The following SPAG17 variants were observed in gnomAD, a reference collection of about 807,000 sequenced individuals.
The protein encoded by SPAG17 is sperm-associated antigen 17.
A neutral mutation model predicts 273.6 loss-of-function variants in SPAG17; 169 were observed. That is an observed-to-expected ratio of 0.62 (90% CI 0.55 to 0.70). The LOEUF is 0.70. SPAG17 is among the 30% of genes least tolerant of loss of function. The pLI is 0.00. For synonymous variants in SPAG17, 825 were observed against 873.2 expected (o/e 0.94, Z 0.97); for missense variants, 2,557 against 2,627.8 (o/e 0.97, Z 0.59).
At chr1:118,177,915 G>A (rs1660770111) in intron 1 of SPAG17, among the ~76,000 whole-genome samples, 1 of 152,058 alleles carries the variant, frequency 6.6e-6, no homozygotes, top group Admixed American at 6.6e-5. Flanking sequence ...TAAGATTGAA[G>A]CTGTAATAAA....
At chr1:117,983,299 C>A (rs61806141) in intron 42 of SPAG17, among the ~76,000 whole-genome samples, 53 of 152,292 alleles carry the variant, frequency 3.5e-4, no homozygotes, top group African/African-American at 1.3e-3. Context: ...CCAGGTACCT[C>A]CCACAATACA....
At chr1:117,988,271 A>G (rs1317536938) in intron 38 of SPAG17, 67 bp from the exon 39 acceptor site, 1 of 1,171,956 alleles carries the variant, frequency 8.5e-7, no homozygotes, top group African/African-American at 1.5e-5. Flanking sequence ...ATCAGTACAC[A>G]ATTACTCATT....
chr1:118,060,408 T>C (rs553091861), intron 18 of SPAG17, among the ~76,000 whole-genome samples: 215 of 152,110 alleles, frequency 1.4e-3, no homozygotes, highest in African/African-American at 4.8e-3. Context: ...AAGACTCCCA[T>C]GTAGCTGCAG....
intron 46 of SPAG17, among the ~76,000 whole-genome samples, chr1:117,969,213 A>G (rs1327196136): frequency 6.6e-6 from 1 of 152,214 alleles, no homozygotes; most frequent in South Asian, 2.1e-4. Context: ...AAATAAAGTC[A>G]GAACAGGTTG....
rs1655808259 is a variant in SPAG17 at position 118,097,757 on chromosome 1, A to C, written c.924T>G (p.Pro308=). 2.5e-6 allele frequency: 4 copies of C among 1,611,380 alleles called. No individual in the cohort carries two copies. In the Admixed American group the frequency reaches 6.7e-5, roughly 27 times the overall value. The change falls in exon 7 of 49, where the codon CCT becomes CCG. Residue 308 remains proline (P), a synonymous_variant. Coordinates refer to ENST00000336338, the MANE Select transcript of SPAG17 (RefSeq NM_206996.4). ...GAGCAACATCAAAGAGATTTGTTTCAGGTTTCTCATTATTCAGGACTGGTT... is the reference window on the plus strand; with the variant it reads ...GAGCAACATCAAAGAGATTTGTTTCCGGTTTCTCATTATTCAGGACTGGTT... ...YLEPVLNNEK[P]ETNLFDVARL...
intron 15 of SPAG17, among the ~76,000 whole-genome samples, chr1:118,075,000 T>C (rs1366476804): frequency 6.6e-6 from 1 of 152,230 alleles, no homozygotes. Flanking sequence ...TTTAAATTTC[T>C]GTGGATCTTA....
At chr1:118,023,664 T>C (rs1647376275) in intron 27 of SPAG17, among the ~76,000 whole-genome samples, 1 of 152,160 alleles carries the variant, frequency 6.6e-6, no homozygotes, top group African/African-American at 2.4e-5. Context: ...GTTACCACCA[T>C]AATAATATTA....
At chr1:118,151,164 A>G in intron 2 of SPAG17, 65 bp downstream of exon 2, 1 of 1,306,132 alleles carries the variant, frequency 7.7e-7, no homozygotes, top group East Asian at 2.8e-5. Flanking sequence ...TTATTTTATA[A>G]TTCTATTCTA....
chr1:117,990,839 A>T, intron 38 of SPAG17, 22 bp downstream of exon 38: 1 of 1,508,930 alleles, frequency 6.6e-7, no homozygotes, highest in East Asian at 2.3e-5. Flanking sequence ...TATACTGCAG[A>T]AGAATATTAA....
intron 25 of SPAG17, among the ~76,000 whole-genome samples, chr1:118,029,461 A>T (rs988676352): frequency 2.0e-5 from 3 of 152,134 alleles, no homozygotes; most frequent in Admixed American, 2.0e-4. Flanking sequence ...TATTCTTACA[A>T]TTTGGATGCT....
At chr1:118,054,450 C>T (rs1006824385) in intron 19 of SPAG17, among the ~76,000 whole-genome samples, 1 of 152,052 alleles carries the variant, frequency 6.6e-6, no homozygotes, top group Non-Finnish European at 1.5e-5. Context: ...ATATTGAAGC[C>T]CTTCTTTTGC....
In SPAG17 at chr1:117,983,829, T is replaced by C. The variant is rs777855440; in HGVS notation, c.5854A>G (p.Thr1952Ala). The C allele has an allele frequency of 1.6e-5, 26 of 1,610,446 alleles. No homozygotes were observed. Among genetic ancestry groups the C allele is most frequent in the Non-Finnish European group, 2.2e-5 (26 of 1,177,596 alleles). Residue 1952 changes from threonine (T) to alanine (A), a missense_variant, in exon 42 of 49, where the codon ACA (threonine) becomes GCA (alanine). Thr to Ala is a moderately conservative substitution (Grantham distance 58). Transcript: ENST00000336338. ...ATATTACCTAGATTAAGATCAGATG[T>C]ATCTTGAACAGCTGTTTCGTTTGCA... Reference protein sequence around the residue: ...EDANETAVQDTSDLNLDFKPH... With the variant: ...EDANETAVQDASDLNLDFKPH...
In SPAG17 at chr1:118,030,931, A is replaced by G. The variant is rs1648382821; in HGVS notation, c.3609+761T>C. On this transcript the variant is annotated intron_variant, in intron 25 of 48. Transcript: ENST00000336338. ...GTGCATGTGTCTTTATAGTAGAATG[A>G]TTTATAATCCTTTGGGTATATACTC... Among the ~76,000 whole-genome samples the G allele has an allele frequency of 2.0e-5, 3 of 152,172 alleles. No individual in the cohort carries two copies. In the South Asian group the frequency reaches 6.2e-4, roughly 31 times the overall value.
Position 118,174,251 on chromosome 1 carries a change from T to C in SPAG17, c.87+10820A>G, listed in dbSNP as rs140319511. Among the ~76,000 whole-genome samples, 649 of 152,092 alleles carry C rather than the reference T, an allele frequency of 4.3e-3. 7 individuals carry two copies. The highest frequency in any genetic ancestry group is 0.015 in the African/African-American group (622 of 41,506). ...AGGAATCCAGAAACTGACATATGAA[T>C]AAAATGAGAATATCAACAAAAAGAA... On this transcript the variant is annotated intron_variant, in intron 1 of 48. Coordinates refer to ENST00000336338, the MANE Select transcript of SPAG17 (RefSeq NM_206996.4).
intron 1 of SPAG17, among the ~76,000 whole-genome samples, chr1:118,171,198 G>A (rs751930475): frequency 5.3e-4 from 80 of 152,114 alleles, no homozygotes; most frequent in Non-Finnish European, 9.1e-4. Flanking sequence ...CATGGTCAAT[G>A]AGTTGTATAA....
chr1:118,182,484 T>A (rs1660995331), intron 1 of SPAG17, among the ~76,000 whole-genome samples: 1 of 152,186 alleles, frequency 6.6e-6, no homozygotes, highest in African/African-American at 2.4e-5. Flanking sequence ...ACATACATAC[T>A]AACACAAAAG....
Position 118,066,841 on chromosome 1 carries a change from T to C in SPAG17, c.2444A>G (p.Asp815Gly). 6.2e-7 allele frequency: 1 copy of C among 1,613,972 alleles called. No homozygotes were observed. Among genetic ancestry groups the C allele is most frequent in the Non-Finnish European group, 8.5e-7 (1 of 1,179,884 alleles). Residue 815 changes from aspartate (D) to glycine (G), a missense_variant, in exon 18 of 49, where the codon GAC becomes GGC. By Grantham distance (94) the Asp-to-Gly change is moderately conservative (BLOSUM62 -1). Transcript: ENST00000336338. ...GTGAAAGACTAAAAGTAAAGAGTTGTCTTGGGTGTGGTAGTAAGAATCAAC... is the reference window on the plus strand; with the variant it reads ...GTGAAAGACTAAAAGTAAAGAGTTGCCTTGGGTGTGGTAGTAAGAATCAAC... ...RCVDSYYHTQ[D>G]NSLLLVFHNP...
chr1:117,976,284 C>T (rs889605930), intron 43 of SPAG17, among the ~76,000 whole-genome samples: 6 of 152,186 alleles, frequency 3.9e-5, no homozygotes, highest in Admixed American at 2.0e-4. Flanking sequence ...AGTATTTGAA[C>T]AACTGGTACA....
At chr1:118,105,682 G>A (rs138532556) in intron 4 of SPAG17, among the ~76,000 whole-genome samples, 178 of 152,216 alleles carry the variant, frequency 1.2e-3, no homozygotes, top group African/African-American at 4.2e-3. Flanking sequence ...GACAAGGATA[G>A]GAAATTTCCA....
Sources: gnomAD v4.1 joint callset for allele counts (sites outside exome capture counted in the v4.1 genomes callset) on GRCh38, gnomAD v4.1.1 for gene constraint, MANE v1.5 for transcripts, NCBI Gene and HGNC (gene_info 2026-07-23, HGNC 2026-07-21) for gene names.